The following EPS8 variants were observed in gnomAD, a reference collection of about 807,000 sequenced individuals.
The protein encoded by EPS8 is epidermal growth factor receptor kinase substrate 8.
EPS8 carries 42 observed loss-of-function variants against 103.8 expected under a neutral mutation model. The observed-to-expected ratio is 0.40, with a 90% CI of 0.32 to 0.52. The LOEUF (loss-of-function observed/expected upper bound fraction) is 0.52, where lower values mean the gene tolerates loss of function less well. Ranked by LOEUF, EPS8 falls within the 20% of genes least tolerant of loss-of-function variation. The pLI, the probability that EPS8 is intolerant of heterozygous loss-of-function variation, is 0.40. For synonymous variants in EPS8, 344 were observed against 344.6 expected, an observed-to-expected ratio of 1.00 and a Z score of 0.02; for missense variants, 969 against 1,005.1, an observed-to-expected ratio of 0.96 and a Z score of 0.49.
In EPS8 at chr12:15,640,803, C is replaced by T. The variant is rs1258418930; in HGVS notation, c.1721G>A (p.Ser574Asn). The part of the protein sequence containing the change: ...RKQWWKVRNA[S>N]GDSGFVPNNI... ...ATTTGGCACAAATCCAGAGTCTCCACTTGCATTTCGAACTTTCCACCATTG... is the reference window on the plus strand; with the variant it reads ...ATTTGGCACAAATCCAGAGTCTCCATTTGCATTTCGAACTTTCCACCATTG... The change falls in exon 17 of 21, where the codon AGT becomes AAT. Residue 574 changes from serine to asparagine, a missense_variant. Ser to Asn is a conservative substitution (Grantham distance 46, BLOSUM62 1). Transcript: ENST00000281172. The T allele has an allele frequency of 2.5e-6, 4 of 1,613,912 alleles. No individual in the cohort carries two copies. The highest frequency in any genetic ancestry group is 2.2e-5 in the East Asian group (1 of 44,864).
rs1947318662 is a variant in EPS8, at chr12:15,787,044, A to T, written c.-22+2117T>A. Among the ~76,000 whole-genome samples, 1 of 152,200 alleles carries T rather than the reference A, an allele frequency of 6.6e-6. No individual in the cohort carries two copies. Among genetic ancestry groups the T allele is most frequent in the Non-Finnish European group, 1.5e-5 (1 of 68,006 alleles). On this transcript the variant is annotated intron_variant, in intron 1 of 20. Transcript: ENST00000281172. The surrounding 1 kb of genome is among the most constrained non-coding windows in gnomAD (Gnocchi z 4.9). ...AAGCTGAGTTGTATATAAATATTAC[A>T]TAAATCAGTGTTAAAATATTCATCC...
chr12:15,683,900 C>T (rs978746692), intron 1 of EPS8: 1 of 152,074 alleles, frequency 6.6e-6, no homozygotes, highest in African/African-American at 2.4e-5. Flanking sequence ...TTACTATGTC[C>T]TCTCAATAAC....
At position 15,696,070 on chromosome 12, in the gene EPS8, A is replaced by G. The variant is rs1325196788; in HGVS notation, c.-21-13098T>C. Among the ~76,000 whole-genome samples, 2 of 152,238 alleles carry G rather than the reference A, an allele frequency of 1.3e-5. No homozygotes were observed. Among genetic ancestry groups the G allele is most frequent in the Non-Finnish European group, 2.9e-5 (2 of 68,038 alleles). ...AGATTCATTCTGAAAATGTTCTCTCAGGATTTCTCTATTTAAAATCCAGGA... is the reference window on the plus strand; with the variant it reads ...AGATTCATTCTGAAAATGTTCTCTCGGGATTTCTCTATTTAAAATCCAGGA... On this transcript the variant is annotated intron_variant, in intron 1 of 20. Coordinates refer to ENST00000281172, the MANE Select transcript of EPS8 (RefSeq NM_004447.6). This position sits in a 1 kb window ranked among gnomAD's most constrained non-coding sequence, Gnocchi z 4.8.
intron 15 of EPS8, among the ~76,000 whole-genome samples, chr12:15,643,099 AC>A (rs1412754834): frequency 2.0e-5 from 3 of 152,164 alleles, no homozygotes; most frequent in Non-Finnish European, 4.4e-5. Flanking sequence ...GCTTTCATTT[AC>A]TTTATATATT....
rs1947263089 is a variant in EPS8 at position 15,781,772 on chromosome 12, T to G, written c.-22+7389A>C. ...GTTAAGAAGTCCATGGTCGAGGGGCTACATCTGCTAAGAGCCTCCTTGCTG... is the reference window on the plus strand; with the variant it reads ...GTTAAGAAGTCCATGGTCGAGGGGCGACATCTGCTAAGAGCCTCCTTGCTG... On this transcript the variant is annotated intron_variant, in intron 1 of 20. Coordinates refer to ENST00000281172, the MANE Select transcript of EPS8 (RefSeq NM_004447.6). The surrounding 1 kb of genome is among the most constrained non-coding windows in gnomAD (Gnocchi z 4.1). 6.6e-6 allele frequency: 1 copy of G among 152,344 alleles called. No individual in the cohort carries two copies. The highest frequency in any genetic ancestry group is 2.4e-5 in the African/African-American group (1 of 41,434). 9.4% of individuals were successfully genotyped at this position (152,344 alleles called of 1,614,324 possible). A position where few individuals can be genotyped will look rare whatever the true frequency, so the allele number is the denominator to read the frequency against.
chr12:15,682,649 CAG>C (rs1369150791), intron 2 of EPS8, among the ~76,000 whole-genome samples: 2 of 152,096 alleles, frequency 1.3e-5, no homozygotes, highest in Non-Finnish European at 2.9e-5. Context: ...TAGAATGAAA[CAG>C]AAACATCTTC....
intron 8 of EPS8, 55 bp from the exon 9 acceptor site, chr12:15,662,154 C>T (rs1436407493): frequency 1.3e-6 from 2 of 1,569,074 alleles, no homozygotes; most frequent in Non-Finnish European, 1.8e-6. Context: ...AATACCAATA[C>T]AGACAATTAA....
intron 1 of EPS8, among the ~76,000 whole-genome samples, chr12:15,750,218 G>C (rs1423403865): frequency 6.6e-6 from 1 of 152,134 alleles, no homozygotes; most frequent in African/African-American, 2.4e-5. Context: ...CAAAGCAATT[G>C]TCCCTGACAA....
intron 1 of EPS8, among the ~76,000 whole-genome samples, chr12:15,739,525 A>C (rs2136003873): frequency 6.6e-6 from 1 of 152,098 alleles, no homozygotes; most frequent in East Asian, 1.9e-4. Flanking sequence ...AGGAAGGGTG[A>C]ATTTCTTCCC....
Position 15,780,687 on chromosome 12 carries a change from C to T in EPS8, c.-22+8474G>A, listed in dbSNP as rs1472625679. On this transcript the variant is annotated intron_variant, in intron 1 of 20. Coordinates refer to ENST00000281172, the MANE Select transcript of EPS8 (RefSeq NM_004447.6). The surrounding 1 kb of genome is among the most constrained non-coding windows in gnomAD (Gnocchi z 4.1). The stretch of plus-strand genomic sequence containing the variant: ...ATACTTCCTTCAGCTCCACACTGTA[C>T]TAAAACGGGTGTCTGGCTGCCTCCA... The T allele has an allele frequency of 1.3e-5, 2 of 152,120 alleles. No homozygotes were observed. The highest frequency in any genetic ancestry group is 2.9e-5 in the Non-Finnish European group (2 of 68,044). The allele number at this position is 152,120 out of a possible 1,614,324, so 9.4% of individuals were successfully genotyped here.
At chr12:15,645,663 T>C (rs532117798) in intron 15 of EPS8, among the ~76,000 whole-genome samples, 8 of 152,290 alleles carry the variant, frequency 5.3e-5, no homozygotes, top group Admixed American at 4.6e-4. Context: ...CAGAGGTTAT[T>C]CCATCAGTAA....
Position 15,734,467 on chromosome 12 carries a change from G to A in EPS8, c.-21-51495C>T, listed in dbSNP as rs542401634. 2.6e-5 allele frequency among the ~76,000 whole-genome samples: 4 copies of A among 152,230 alleles called. No homozygotes were observed. The highest frequency in any genetic ancestry group is 5.9e-5 in the Non-Finnish European group (4 of 68,010). Reference sequence around the variant, plus strand: ...CCCAGCACTTTGGGAGGCTGAGGCGGGTGGATCACGAGGTCAGGAGATCGA... The same window carrying A: ...CCCAGCACTTTGGGAGGCTGAGGCGAGTGGATCACGAGGTCAGGAGATCGA... On this transcript the variant is annotated intron_variant, in intron 1 of 20. Transcript: ENST00000281172. The surrounding 1 kb of genome is among the most constrained non-coding windows in gnomAD (Gnocchi z 4.1).
chr12:15,758,250 A>G (rs1276257524), intron 1 of EPS8, among the ~76,000 whole-genome samples: 1 of 152,244 alleles, frequency 6.6e-6, no homozygotes, highest in African/African-American at 2.4e-5. Context: ...GATGTGAGAT[A>G]GGCCAAGTAT....
At position 15,661,300 on chromosome 12, in the gene EPS8, C is replaced by T. The variant is rs187381158; in HGVS notation, c.811-560G>A. ...TACTATAGTCTTAGTTGCCTTTCTCCAGTATGTGTGAAACTTGACATTCTT... is the reference window on the plus strand; with the variant it reads ...TACTATAGTCTTAGTTGCCTTTCTCTAGTATGTGTGAAACTTGACATTCTT... On this transcript the variant is annotated intron_variant, in intron 9 of 20. Transcript: ENST00000281172. Among the ~76,000 whole-genome samples the T allele has an allele frequency of 1.2e-3, 181 of 152,200 alleles. 1 individual carries two copies. Among genetic ancestry groups the T allele is most frequent in the African/African-American group, 4.1e-3 (172 of 41,550 alleles).
intron 3 of EPS8, among the ~76,000 whole-genome samples, chr12:15,673,803 A>T (rs541644769): frequency 8.6e-5 from 13 of 151,884 alleles, no homozygotes; most frequent in African/African-American, 3.1e-4. Context: ...TCAACTCCTA[A>T]CATAAGACTA....
chr12:15,644,011 A>T (rs1226883471), intron 15 of EPS8, among the ~76,000 whole-genome samples: 1 of 152,236 alleles, frequency 6.6e-6, no homozygotes, highest in Admixed American at 6.5e-5. Context: ...TATACTTCGT[A>T]TGGCATTGTT....
chr12:15,660,269 C>A (rs1014221091), intron 10 of EPS8, among the ~76,000 whole-genome samples: 2 of 151,700 alleles, frequency 1.3e-5, no homozygotes, highest in African/African-American at 4.8e-5. Context: ...CTGCCTAGTA[C>A]CAGAGTTCTT....
rs1390636384 is a variant in EPS8 at position 15,780,133 on chromosome 12, T to C, written c.-22+9028A>G. ...GGCCATGTGACTAGAAGAGAAGATT[T>C]ATGCAATTCTTAAACAGGTTTGGTA... On this transcript the variant is annotated intron_variant, in intron 1 of 20. Transcript: ENST00000281172. This position sits in a 1 kb window ranked among gnomAD's most constrained non-coding sequence, Gnocchi z 4.1. The C allele has an allele frequency of 6.6e-6, 1 of 152,230 alleles. No individual in the cohort carries two copies. Among genetic ancestry groups the C allele is most frequent in the African/African-American group, 2.4e-5 (1 of 41,454 alleles). The allele number at this position is 152,230 out of a possible 1,614,324, so 9.4% of individuals were successfully genotyped here. A position where few individuals can be genotyped will look rare whatever the true frequency, so the allele number is the denominator to read the frequency against.
chr12:15,640,239 G>A (rs1230251316), intron 17 of EPS8, among the ~76,000 whole-genome samples: 2 of 152,176 alleles, frequency 1.3e-5, no homozygotes, highest in Non-Finnish European at 2.9e-5. Context: ...ATGTATTAGT[G>A]TAAGGTGAGA....
Sources: allele counts gnomAD v4.1 joint callset (sites outside exome capture counted in the v4.1 genomes callset), GRCh38; gene constraint gnomAD v4.1.1; non-coding constraint Gnocchi (gnomAD v3.1); transcripts MANE v1.5; gene names NCBI Gene and HGNC (gene_info 2026-07-23, HGNC 2026-07-21).